Variants in PLEKHA6 observed in about 807,000 individuals in gnomAD.
The protein encoded by PLEKHA6 is pleckstrin homology domain containing A6.
PLEKHA6 carries 60 observed loss-of-function variants against 116.7 expected under a neutral mutation model. That is an observed-to-expected ratio of 0.51 (90% CI 0.42 to 0.64). The LOEUF is 0.64. PLEKHA6 is among the 30% of genes least tolerant of loss of function. The pLI is 0.00. For missense variants in PLEKHA6, 1,338 were observed against 1,422.7 expected (o/e 0.94, Z 0.96); for synonymous variants, 489 against 556.1 (o/e 0.88, Z 1.70).
intron 12 of PLEKHA6, among the ~76,000 whole-genome samples, chr1:204,247,784 C>A (rs942402116): frequency 6.6e-6 from 1 of 152,074 alleles, no homozygotes; most frequent in Non-Finnish European, 1.5e-5. Flanking sequence ...TGACAAGACC[C>A]CATCTCTACA....
chr1:204,267,322 T>C (rs944562021), intron 5 of PLEKHA6, among the ~76,000 whole-genome samples, 153 bp downstream of exon 5: 1 of 152,124 alleles, frequency 6.6e-6, no homozygotes, highest in African/African-American at 2.4e-5. Flanking sequence ...GTGAGCTTTG[T>C]TTTTATCCTG....
At position 204,249,213 on chromosome 1, in the gene PLEKHA6, G is replaced by A. The variant is rs762186576; in HGVS notation, c.1645C>T (p.Arg549Trp). Residue 549 changes from arginine to tryptophan, a missense_variant, in exon 11 of 23, where the codon CGG (arginine) becomes TGG (tryptophan). Arg to Trp is a moderately radical substitution (Grantham distance 101, BLOSUM62 -3). Transcript: ENST00000272203. The stretch of plus-strand genomic sequence containing the variant: ...TCAGCTCGGAGCTGCTGCACCAGCC[G>A]GTCCTGCTCCCTCACCACCTTGTTC... ...EQNKVVREQD[R>W]LVQQLRAEKE... 6.6e-5 allele frequency: 106 copies of A among 1,613,756 alleles called. No homozygotes were observed. In the Middle Eastern group the frequency reaches 1.2e-3, roughly 18 times the overall value.
At position 204,221,363 on chromosome 1, in the gene PLEKHA6, C is replaced by CCGAGGGGCCA. The variant is rs1260476956; in HGVS notation, c.*1415_*1424dup. 1 of 152,644 alleles carries CCGAGGGGCCA rather than the reference C, an allele frequency of 6.6e-6. No homozygotes were observed. Among genetic ancestry groups the CCGAGGGGCCA allele is most frequent in the African/African-American group, 2.4e-5 (1 of 41,450 alleles). The allele number at this position is 152,644 out of a possible 1,614,324, so 9.5% of individuals were successfully genotyped here. On this transcript the variant is annotated 3_prime_UTR_variant, in exon 23 of 23. Coordinates refer to ENST00000272203, the MANE Select transcript of PLEKHA6 (RefSeq NM_014935.5). ...AGCGGCAACTCTAGCAGAGAGAAGG[C>CCGAGGGGCCA]CGAGGGGCCACGGTGTCTTCAGTTT...
At chr1:204,256,542 G>C (rs568961524) in intron 9 of PLEKHA6, among the ~76,000 whole-genome samples, 2 of 152,286 alleles carry the variant, frequency 1.3e-5, no homozygotes, top group South Asian at 4.2e-4. Context: ...AGAGGAGAGG[G>C]ACCAGGATAT....
Position 204,241,489 on chromosome 1 carries a change from AAGAC to A in PLEKHA6, c.2303-12_2303-9del. On this transcript the variant is annotated splice_polypyrimidine_tract_variant and intron_variant, in intron 16 of 22. Coordinates refer to ENST00000272203, the MANE Select transcript of PLEKHA6 (RefSeq NM_014935.5). ...GAGGGGGCACAACGCCAACTGCAGA[AAGAC>A]AGAGTAGCCAGTGGGCCTCATGGAG... 6.3e-7 allele frequency: 1 copy of A among 1,577,954 alleles called. No individual in the cohort carries two copies. The highest frequency in any genetic ancestry group is 8.6e-7 in the Non-Finnish European group (1 of 1,158,998).
At position 204,326,932 on chromosome 1, in the gene PLEKHA6, G is replaced by A. The variant is rs897962777; in HGVS notation, c.-95+32762C>T. 6.2e-6 allele frequency: 6 copies of A among 971,558 alleles called. No homozygotes were observed. In the Admixed American group the frequency reaches 3.1e-4, roughly 50 times the overall value. The allele number at this position is 971,558 out of a possible 1,614,324, so 60.2% of individuals were successfully genotyped here. The stretch of plus-strand genomic sequence containing the variant: ...AGGAACTGCTCACTGCCCAAACCCT[G>A]GGGCCTCCGCACTTAGGCAGGGAGT... On this transcript the variant is annotated intron_variant, in intron 1 of 22. Coordinates refer to ENST00000272203, the MANE Select transcript of PLEKHA6 (RefSeq NM_014935.5).
chr1:204,268,889 C>T (rs141190897), intron 3 of PLEKHA6, among the ~76,000 whole-genome samples: 141 of 152,294 alleles, frequency 9.3e-4, no homozygotes, highest in Middle Eastern at 6.8e-3. Flanking sequence ...TCATCACTGT[C>T]CGCTTCTCAA....
At chr1:204,267,368 G>A in intron 5 of PLEKHA6, 107 bp downstream of exon 5, 1 of 879,368 alleles carries the variant, frequency 1.1e-6, no homozygotes, top group Non-Finnish European at 1.9e-6. Context: ...GAGGAGATCT[G>A]CCCTGCTGGT....
chr1:204,230,367 T>C (rs890407411), intron 18 of PLEKHA6, 46 bp downstream of exon 18: 1 of 1,466,772 alleles, frequency 6.8e-7, no homozygotes, highest in African/African-American at 1.4e-5. Flanking sequence ...TGGGCAGTGT[T>C]GGCAGATGCC....
At position 204,257,799 on chromosome 1, in the gene PLEKHA6, C is replaced by G. The variant is rs753549930; in HGVS notation, c.1078G>C (p.Asp360His). 6.2e-7 allele frequency: 1 copy of G among 1,613,844 alleles called. No homozygotes were observed. The highest frequency in any genetic ancestry group is 8.5e-7 in the Non-Finnish European group (1 of 1,179,964). The part of the protein sequence containing the change: ...YYGPYSSQYP[D>H]DYQYYPPGVR... Reference sequence around the variant, plus strand: ...CCTGGCGGGTAGTACTGATAATCATCGGGGTACTGGGAGGAGTAGGGGCCA... The same window carrying G: ...CCTGGCGGGTAGTACTGATAATCATGGGGGTACTGGGAGGAGTAGGGGCCA... Residue 360 changes from aspartate to histidine, a missense_variant, in exon 9 of 23, where the codon GAT (aspartate) becomes CAT (histidine). Physicochemically the swap from Asp to His is moderately conservative, Grantham distance 81. Coordinates refer to ENST00000272203, the MANE Select transcript of PLEKHA6 (RefSeq NM_014935.5). The surrounding 1 kb of genome is among the most constrained non-coding windows in gnomAD (Gnocchi z 6.5).
chr1:204,249,335 G>C, intron 10 of PLEKHA6, 71 bp from the exon 11 acceptor site: 1 of 1,103,054 alleles, frequency 9.1e-7, no homozygotes, highest in South Asian at 1.3e-5. Flanking sequence ...ATGGGGACCT[G>C]GGAGTTATAG....
At chr1:204,296,257 G>A (rs1000284441) in intron 1 of PLEKHA6, among the ~76,000 whole-genome samples, 6 of 152,238 alleles carry the variant, frequency 3.9e-5, no homozygotes, top group East Asian at 1.9e-4. Context: ...ACTCACATGC[G>A]TGTGTTTCGT....
chr1:204,297,861 A>C (rs369994942), intron 1 of PLEKHA6: 267 of 984,106 alleles, frequency 2.7e-4, no homozygotes, highest in Admixed American at 6.1e-4. Flanking sequence ...TGGTTGCCCA[A>C]CCTCCACAAG....
chr1:204,297,940 A>G, intron 1 of PLEKHA6: 1 of 976,206 alleles, frequency 1.0e-6, no homozygotes, highest in African/African-American at 1.8e-5. Context: ...TCCTCCCCCT[A>G]CTCCTCATAT....
At chr1:204,311,434 G>A (rs1671655355) in intron 1 of PLEKHA6, 1 of 167,898 alleles carries the variant, frequency 6.0e-6, no homozygotes. Flanking sequence ...GAGGTTGTGG[G>A]GAGCCGAGAT....
intron 1 of PLEKHA6, among the ~76,000 whole-genome samples, chr1:204,371,995 G>A (rs1158759361): frequency 6.6e-6 from 1 of 152,212 alleles, no homozygotes; most frequent in African/African-American, 2.4e-5. Flanking sequence ...TCACGGCAGA[G>A]GCAATGTTAG....
chr1:204,268,337 CTAGGT>C, intron 3 of PLEKHA6, 25 bp from the exon 4 acceptor site: 2 of 1,538,802 alleles, frequency 1.3e-6, no homozygotes, highest in East Asian at 4.6e-5. Flanking sequence ...AGAAGCTGAT[CTAGGT>C]CCCCAGTCTC....
At chr1:204,264,703 C>G (rs1389268350) in intron 6 of PLEKHA6, among the ~76,000 whole-genome samples, 2 of 152,166 alleles carry the variant, frequency 1.3e-5, no homozygotes, top group African/African-American at 4.8e-5. Flanking sequence ...GGAGAATTGC[C>G]CACCCAACCC....
At chr1:204,356,614 A>G (rs890471968) in intron 1 of PLEKHA6, among the ~76,000 whole-genome samples, 4 of 151,058 alleles carry the variant, frequency 2.6e-5, no homozygotes, top group African/African-American at 4.9e-5. Context: ...GTTAAAGAAT[A>G]TTTAATAATA....
Sources: allele counts gnomAD v4.1 joint callset (sites outside exome capture counted in the v4.1 genomes callset), GRCh38; gene constraint gnomAD v4.1.1; non-coding constraint Gnocchi (gnomAD v3.1); transcripts MANE v1.5; gene names NCBI Gene and HGNC (gene_info 2026-07-23, HGNC 2026-07-21).